GALNTL6: variants seen among roughly 807,000 people sequenced by gnomAD.
GALNTL6 encodes the protein polypeptide N-acetylgalactosaminyltransferase like 6.
GALNTL6 carries 46 observed loss-of-function variants against 73.7 expected under a neutral mutation model. The observed-to-expected ratio is 0.62, with a 90% CI of 0.49 to 0.80. The LOEUF (loss-of-function observed/expected upper bound fraction) is 0.80, where lower values mean the gene tolerates loss of function less well. Among genes scored for constraint, GALNTL6 ranks in the 30% least tolerant of loss-of-function variants. The pLI is 0.00. For missense variants in GALNTL6, 604 were observed against 755.0 expected (o/e 0.80, Z 2.34); for synonymous variants, 259 against 263.7 (o/e 0.98, Z 0.17).
intron 5 of GALNTL6, among the ~76,000 whole-genome samples, chr4:172,639,042 T>C (rs1054413077): frequency 6.6e-6 from 1 of 152,136 alleles, no homozygotes; most frequent in Non-Finnish European, 1.5e-5. Context: ...GTTTGTCCCA[T>C]TATTGCTGGT....
rs549862957 is a variant in GALNTL6, at chr4:172,070,134, C to T, written c.139-159522C>T. ...TTCTAGAAGTGGTGTGTTCTGAAAACGGAAAGGATGCATTCTGGCTGGAAC... is the reference window on the plus strand; with the variant it reads ...TTCTAGAAGTGGTGTGTTCTGAAAATGGAAAGGATGCATTCTGGCTGGAAC... On this transcript the variant is annotated intron_variant, in intron 2 of 12. Transcript: ENST00000506823. 2.4e-4 allele frequency among the ~76,000 whole-genome samples: 26 copies of T among 109,082 alleles called. 8 individuals are homozygous for T. The South Asian group carries it at 5.1e-3, about 21-fold the overall frequency. The allele number at this position is 109,082 out of a possible 152,430, so 71.6% of individuals were successfully genotyped here.
chr4:172,077,213 A>G (rs1156882093), intron 2 of GALNTL6, among the ~76,000 whole-genome samples: 1 of 152,174 alleles, frequency 6.6e-6, no homozygotes, highest in Non-Finnish European at 1.5e-5. Flanking sequence ...GTGTTTCTAT[A>G]AAGATACCTG....
At chr4:172,849,394 A>C (rs1021831426) in intron 7 of GALNTL6, among the ~76,000 whole-genome samples, 1 of 152,168 alleles carries the variant, frequency 6.6e-6, no homozygotes, top group Non-Finnish European at 1.5e-5. Flanking sequence ...GAAATAATCA[A>C]ATAGACTCTG....
intron 7 of GALNTL6, among the ~76,000 whole-genome samples, chr4:172,824,846 A>G (rs1040527437): frequency 6.6e-6 from 1 of 152,208 alleles, no homozygotes; most frequent in African/African-American, 2.4e-5. Context: ...GTGACACTAG[A>G]AAAGTAACAG....
At chr4:172,657,778 A>G (rs1268186712) in intron 5 of GALNTL6, among the ~76,000 whole-genome samples, 1 of 151,948 alleles carries the variant, frequency 6.6e-6, no homozygotes, top group Non-Finnish European at 1.5e-5. Flanking sequence ...ATTAATTTCT[A>G]TGGCAAGTGG....
intron 5 of GALNTL6, among the ~76,000 whole-genome samples, chr4:172,718,721 A>G (rs1454203928): frequency 6.6e-6 from 1 of 151,690 alleles, no homozygotes; most frequent in Non-Finnish European, 1.5e-5. Context: ...TGAAGTCAAT[A>G]TGCTAGGCAG....
chr4:172,099,462 T>C (rs1579137795), intron 2 of GALNTL6, among the ~76,000 whole-genome samples: 1 of 152,176 alleles, frequency 6.6e-6, no homozygotes, highest in African/African-American at 2.4e-5. Flanking sequence ...AATTTAACCA[T>C]GTCAATGTAG....
intron 5 of GALNTL6, among the ~76,000 whole-genome samples, chr4:172,540,225 T>C (rs1735501862): frequency 6.6e-6 from 1 of 151,776 alleles, no homozygotes; most frequent in Non-Finnish European, 1.5e-5. Context: ...TAATTTTTTG[T>C]ATTTTAGTAG....
intron 3 of GALNTL6, among the ~76,000 whole-genome samples, chr4:172,236,515 C>T (rs917935256): frequency 3.3e-5 from 5 of 150,152 alleles, no homozygotes; most frequent in Non-Finnish European, 7.4e-5. Context: ...AGCCAAGATG[C>T]GCCACTGCAC....
chr4:172,636,705 C>A (rs1306374118), intron 5 of GALNTL6, among the ~76,000 whole-genome samples: 1 of 152,178 alleles, frequency 6.6e-6, no homozygotes, highest in Non-Finnish European at 1.5e-5. Flanking sequence ...ATGTGTGTTG[C>A]TTTAAGTCAG....
At chr4:172,494,676 A>G (rs1431925723) in intron 5 of GALNTL6, among the ~76,000 whole-genome samples, 2 of 152,190 alleles carry the variant, frequency 1.3e-5, no homozygotes, top group African/African-American at 4.8e-5. Flanking sequence ...CTGACAAACC[A>G]CTGGCATAAG....
intron 5 of GALNTL6, among the ~76,000 whole-genome samples, chr4:172,728,334 A>C (rs909339985): frequency 1.3e-5 from 2 of 152,082 alleles, no homozygotes; most frequent in African/African-American, 2.4e-5. Context: ...CATGAGATCC[A>C]CTTTTTTTAG....
chr4:173,010,740 A>G (rs60690299), intron 11 of GALNTL6, among the ~76,000 whole-genome samples: 1 of 150,484 alleles, frequency 6.6e-6, no homozygotes, highest in East Asian at 1.9e-4. Flanking sequence ...GATTACAGGC[A>G]CACACCACCA....
chr4:173,034,897 T>C (rs949174779), intron 12 of GALNTL6, among the ~76,000 whole-genome samples: 3 of 152,220 alleles, frequency 2.0e-5, no homozygotes, highest in African/African-American at 7.2e-5. Context: ...TCTTTAAGTT[T>C]ATATTCCAAG....
intron 5 of GALNTL6, among the ~76,000 whole-genome samples, chr4:172,439,974 A>G (rs1018223944): frequency 6.6e-6 from 1 of 152,070 alleles, no homozygotes; most frequent in Admixed American, 6.6e-5. Flanking sequence ...TTGGTGTTGT[A>G]TGTTCTATGG....
intron 7 of GALNTL6, among the ~76,000 whole-genome samples, chr4:172,857,619 G>A (rs745974560): frequency 1.3e-5 from 2 of 151,988 alleles, no homozygotes; most frequent in Non-Finnish European, 2.9e-5. Context: ...AATTGTATTG[G>A]GGTCACTTAA....
intron 2 of GALNTL6, among the ~76,000 whole-genome samples, chr4:171,872,157 C>T (rs1736154934): frequency 6.6e-6 from 1 of 152,054 alleles, no homozygotes; most frequent in Admixed American, 6.5e-5. Flanking sequence ...TATGTTGCTT[C>T]ATAGTGTGTT....
intron 2 of GALNTL6, among the ~76,000 whole-genome samples, chr4:171,854,969 CT>C (rs1735646022): frequency 6.6e-6 from 1 of 152,170 alleles, no homozygotes; most frequent in African/African-American, 2.4e-5. Context: ...GACATCCTGG[CT>C]TTATTCTGCC....
At chr4:172,449,616 C>G (rs897104444) in intron 5 of GALNTL6, among the ~76,000 whole-genome samples, 1 of 152,202 alleles carries the variant, frequency 6.6e-6, no homozygotes, top group Non-Finnish European at 1.5e-5. Context: ...TTTTGATTTT[C>G]TGTCTACAAC....
Sources: gnomAD v4.1 joint callset for allele counts (sites outside exome capture counted in the v4.1 genomes callset) on GRCh38, gnomAD v4.1.1 for gene constraint, MANE v1.5 for transcripts, NCBI Gene and HGNC (gene_info 2026-07-23, HGNC 2026-07-21) for gene names.